The following PTK2 variants were observed in gnomAD, a reference collection of about 807,000 sequenced individuals.
The protein encoded by PTK2 is protein tyrosine kinase 2.
A neutral mutation model predicts 150.1 loss-of-function variants in PTK2; 45 were observed. The ratio of observed to expected loss-of-function variants is 0.30; its 90% confidence interval spans 0.24 to 0.38. PTK2 has a LOEUF of 0.38. Ranked by LOEUF, PTK2 falls within the 10% of genes least tolerant of loss-of-function variation. The pLI, the probability that PTK2 is intolerant of heterozygous loss-of-function variation, is 1.00. For missense variants in PTK2, 919 were observed against 1,307.3 expected (o/e 0.70, Z 4.58); for synonymous variants, 432 against 449.2 (o/e 0.96, Z 0.48).
rs532976993 is a variant in PTK2 at position 140,900,053 on chromosome 8, T to C, written c.-32-9284A>G. Among the ~76,000 whole-genome samples, 198 of 152,260 alleles carry C rather than the reference T, an allele frequency of 1.3e-3. 1 individual carries two copies. Among genetic ancestry groups the C allele is most frequent in the African/African-American group, 4.6e-3 (192 of 41,566 alleles). On this transcript the variant is annotated intron_variant, in intron 2 of 31. Coordinates refer to ENST00000522684, the Ensembl canonical transcript of PTK2. The stretch of plus-strand genomic sequence containing the variant: ...TCTGCGATCTGAAACAATACAAGGA[T>C]GCCCACTCTCACCACTTTTATTCAA...
chr8:140,854,259 T>C (rs2100131167), intron 5 of PTK2, among the ~76,000 whole-genome samples: 1 of 152,206 alleles, frequency 6.6e-6, no homozygotes, highest in Non-Finnish European at 1.5e-5. Context: ...GACAAACTCG[T>C]ATCAGGCTCA....
intron 2 of PTK2, among the ~76,000 whole-genome samples, chr8:140,901,151 G>A (rs779091248): frequency 4.6e-5 from 7 of 152,146 alleles, no homozygotes; most frequent in Non-Finnish European, 8.8e-5. Flanking sequence ...CCAAGATCAT[G>A]CAGTGGGGAA....
At chr8:140,661,227 G>A (rs1311741382) in intron 31 of PTK2, among the ~76,000 whole-genome samples, 2 of 152,216 alleles carry the variant, frequency 1.3e-5, no homozygotes, top group African/African-American at 2.4e-5. Context: ...AAAATCTAGA[G>A]AGATATTCTA....
intron 7 of PTK2, among the ~76,000 whole-genome samples, chr8:140,845,925 A>T (rs2100125141): frequency 6.6e-6 from 1 of 152,332 alleles, no homozygotes; most frequent in Middle Eastern, 3.4e-3. Context: ...AACAATCTGT[A>T]GTAACTTATA....
chr8:140,822,278 C>T (rs2100109109), intron 8 of PTK2: 1 of 152,036 alleles, frequency 6.6e-6, no homozygotes, highest in Admixed American at 6.6e-5. Context: ...GGAAAAAGAG[C>T]ATTCTGATCT....
chr8:140,658,651 C>T (rs2075520864), exon 32 of PTK2: 1 of 209,766 alleles, frequency 4.8e-6, no homozygotes, highest in African/African-American at 2.3e-5. Flanking sequence ...TGGCTTTAAT[C>T]TTTCTTTATA....
At chr8:140,916,969 T>C (rs1038491535) in intron 2 of PTK2, among the ~76,000 whole-genome samples, 3 of 152,246 alleles carry the variant, frequency 2.0e-5, no homozygotes, top group African/African-American at 7.2e-5. Flanking sequence ...ATAACATGTA[T>C]GTTTTTTGTG....
At chr8:140,994,151 G>A (rs538391165) in intron 1 of PTK2, among the ~76,000 whole-genome samples, 1 of 152,282 alleles carries the variant, frequency 6.6e-6, no homozygotes, top group East Asian at 1.9e-4. Context: ...AACATTGTAA[G>A]GAAATACTTT....
intron 1 of PTK2, among the ~76,000 whole-genome samples, chr8:140,927,759 C>G (rs997982703): frequency 1.3e-5 from 2 of 151,116 alleles, no homozygotes; most frequent in African/African-American, 4.9e-5. Context: ...AGTTCAAGAC[C>G]ACCCCGACCA....
At chr8:140,927,225 C>T (rs2100169792) in intron 1 of PTK2, 1 of 152,114 alleles carries the variant, frequency 6.6e-6, no homozygotes, top group African/African-American at 2.4e-5. Flanking sequence ...GCTAACATTG[C>T]CCAAAACAAA....
chr8:140,888,752 T>A (rs967359012), intron 3 of PTK2, among the ~76,000 whole-genome samples: 3 of 142,688 alleles, frequency 2.1e-5, no homozygotes, highest in African/African-American at 7.3e-5. Context: ...AGTCTTCTGA[T>A]GTAAGTCTTG....
At chr8:140,683,194 C>G (rs1297104193) in intron 27 of PTK2, among the ~76,000 whole-genome samples, 1 of 152,116 alleles carries the variant, frequency 6.6e-6, no homozygotes. Flanking sequence ...CAGAAAAATA[C>G]ATAGAACTAT....
chr8:140,957,139 T>G (rs1587303977), intron 1 of PTK2, among the ~76,000 whole-genome samples: 1 of 152,048 alleles, frequency 6.6e-6, no homozygotes, highest in East Asian at 1.9e-4. Context: ...AATATGGATA[T>G]AAAGAAAATA....
chr8:140,879,676 GAAAAAAAA>G, intron 3 of PTK2, 39 bp from the exon 4 acceptor site: 379 of 34,586 alleles, frequency 0.011, 5 homozygotes, highest in African/African-American at 0.081. Context: ...GTTATAAACT[GAAAAAAAA>G]AAAAAAAAAA....
At position 140,776,132 on chromosome 8, in the gene PTK2, T is replaced by A. The variant is rs545505849; in HGVS notation, c.1178-11842A>T. Reference sequence around the variant, plus strand: ...GATTCTCGTGCCTAAGCCTCCCCAGTGGCTGGGATTACAGGCATCCGCCAC... The same window carrying A: ...GATTCTCGTGCCTAAGCCTCCCCAGAGGCTGGGATTACAGGCATCCGCCAC... On this transcript the variant is annotated intron_variant, in intron 14 of 31. Coordinates refer to ENST00000522684, the Ensembl canonical transcript of PTK2. 2.0e-5 allele frequency among the ~76,000 whole-genome samples: 3 copies of A among 152,320 alleles called. No individual in the cohort carries two copies. In the South Asian group the frequency reaches 6.2e-4, roughly 32 times the overall value.
intron 27 of PTK2, among the ~76,000 whole-genome samples, chr8:140,676,890 G>A (rs1485218937): frequency 2.1e-5 from 3 of 140,558 alleles, no homozygotes; most frequent in Admixed American, 7.8e-5. Flanking sequence ...GCAGTGAGCC[G>A]AGATCACGTC....
intron 1 of PTK2, among the ~76,000 whole-genome samples, chr8:140,965,173 G>C (rs1376208750): frequency 1.3e-5 from 2 of 152,204 alleles, no homozygotes; most frequent in African/African-American, 4.8e-5. Flanking sequence ...GTCAAGCCAA[G>C]TCTAACTCTC....
rs562698833 is a variant in PTK2 at position 140,723,774 on chromosome 8, A to G, written c.2031-6065T>C. On this transcript the variant is annotated intron_variant, in intron 22 of 31. Coordinates refer to ENST00000522684, the Ensembl canonical transcript of PTK2. ...GACTTGTCATTTAACAAACATTAGC[A>G]CAATGATAATTACACTTTATTGATC... Among the ~76,000 whole-genome samples the G allele has an allele frequency of 1.3e-5, 2 of 150,912 alleles. 1 individual carries two copies. Among genetic ancestry groups the G allele is most frequent in the South Asian group, 4.1e-4 (2 of 4,826 alleles).
chr8:140,803,005 C>CTTTTTTTTTTT (rs778981723), intron 11 of PTK2, among the ~76,000 whole-genome samples: 6 of 77,364 alleles, frequency 7.8e-5, no homozygotes, highest in African/African-American at 2.5e-4. Context: ...TGATGACAAT[C>CTTTTTTTTTTT]TTTTTTTTTT....
Sources: allele counts gnomAD v4.1 joint callset (sites outside exome capture counted in the v4.1 genomes callset), GRCh38; gene constraint gnomAD v4.1.1; transcripts MANE v1.5; gene names NCBI Gene and HGNC (gene_info 2026-07-23, HGNC 2026-07-21).